Variants in CHST15 observed in about 807,000 individuals in gnomAD.
CHST15 encodes the protein carbohydrate sulfotransferase 15, also known as B cell RAG associated protein (GALNAC4S-6ST).
Under a neutral mutation model 53.6 loss-of-function variants are expected in CHST15, and 30 were observed. The ratio of observed to expected loss-of-function variants is 0.56; its 90% confidence interval spans 0.42 to 0.76. CHST15 has a LOEUF of 0.76. Among genes scored for constraint, CHST15 ranks in the 30% least tolerant of loss-of-function variants. CHST15 has a pLI of 0.00. For synonymous variants in CHST15, 296 were observed against 289.8 expected (o/e 1.02, Z -0.22); for missense variants, 627 against 740.5 (o/e 0.85, Z 1.78).
chr10:124,082,058 G>A (rs889460011), intron 1 of CHST15, among the ~76,000 whole-genome samples: 3 of 152,178 alleles, frequency 2.0e-5, no homozygotes, highest in African/African-American at 4.8e-5. Flanking sequence ...GCTGGTGGAT[G>A]GGGAGATGTT....
At chr10:124,087,434 A>T (rs1269501537) in intron 1 of CHST15, among the ~76,000 whole-genome samples, 2 of 152,154 alleles carry the variant, frequency 1.3e-5, no homozygotes, top group African/African-American at 4.8e-5. Flanking sequence ...GTTCCAGCCT[A>T]TTGTCAGAAA....
At chr10:124,086,555 G>A (rs952983211) in intron 1 of CHST15, among the ~76,000 whole-genome samples, 4 of 152,192 alleles carry the variant, frequency 2.6e-5, no homozygotes, top group African/African-American at 9.7e-5. Context: ...GGGTCTGCCT[G>A]ACTGCCCCTG....
In CHST15 at chr10:124,009,534, TA is replaced by T; in HGVS notation, c.*614del. 1 of 986,552 alleles carries T rather than the reference TA, an allele frequency of 1.0e-6. No individual in the cohort carries two copies. Among genetic ancestry groups the T allele is most frequent in the Non-Finnish European group, 1.2e-6 (1 of 831,230 alleles). 61.1% of individuals were successfully genotyped at this position (986,552 alleles called of 1,614,324 possible). On this transcript the variant is annotated 3_prime_UTR_variant, in exon 8 of 8. Transcript: ENST00000435907. ...AGAAACTGGAGGGCTGAGTTTGGAG[TA>T]AAGGAGAAAAAAAAAATGAAGAGCC...
intron 1 of CHST15, among the ~76,000 whole-genome samples, chr10:124,082,622 T>C (rs1309964751): frequency 6.6e-6 from 1 of 152,144 alleles, no homozygotes; most frequent in Non-Finnish European, 1.5e-5. Flanking sequence ...TACACAAACG[T>C]TTATGGCCGC....
At chr10:124,065,105 T>A (rs1948715022) in intron 1 of CHST15, among the ~76,000 whole-genome samples, 1 of 152,224 alleles carries the variant, frequency 6.6e-6, no homozygotes, top group African/African-American at 2.4e-5. Context: ...AAATTTGGGC[T>A]GAGCGCGGTG....
chr10:124,051,535 C>T (rs184655965), intron 1 of CHST15, among the ~76,000 whole-genome samples: 70 of 152,194 alleles, frequency 4.6e-4, no homozygotes, highest in African/African-American at 1.7e-3. Flanking sequence ...CATTTGGTGC[C>T]GGTCGACTCA....
intron 1 of CHST15, among the ~76,000 whole-genome samples, chr10:124,067,535 TG>T (rs1169651884): frequency 6.6e-6 from 1 of 152,248 alleles, no homozygotes; most frequent in African/African-American, 2.4e-5. Context: ...AGACTTCTTC[TG>T]CATGTTGGGC....
At chr10:124,086,277 TC>T (rs1452724396) in intron 1 of CHST15, among the ~76,000 whole-genome samples, 1 of 152,160 alleles carries the variant, frequency 6.6e-6, no homozygotes, top group Non-Finnish European at 1.5e-5. Context: ...TTGACCACCC[TC>T]CAACCGTGGG....
chr10:124,038,588 G>A lies in CHST15; in HGVS notation c.1117C>T (p.Leu373=), dbSNP rs1194340058. The A allele has an allele frequency of 1.2e-6, 2 of 1,614,134 alleles. No homozygotes were observed. The highest frequency in any genetic ancestry group is 1.7e-6 in the Non-Finnish European group (2 of 1,180,052). ...AAGGCGTGGATGAAGTCCTGCGTCA[G>A]AAACGGTGGCTCGCCATCCGTGCTG... ...DNSTDGEPPF[L]TQDFIHAFQP... Residue 373 remains leucine, a synonymous_variant, in exon 5 of 8, where the codon CTG becomes TTG. Transcript: ENST00000435907.
intron 1 of CHST15, among the ~76,000 whole-genome samples, chr10:124,086,655 T>TTCCTCC (rs142757457): frequency 0.012 from 1,805 of 149,344 alleles, 43 homozygotes; most frequent in African/African-American, 0.042. Flanking sequence ...TCCACCTGCC[T>TTCCTCC]TCCTCCTCCT....
chr10:124,072,495 G>A (rs748229769), intron 1 of CHST15, among the ~76,000 whole-genome samples: 4 of 152,138 alleles, frequency 2.6e-5, no homozygotes, highest in Non-Finnish European at 5.9e-5. Flanking sequence ...GAAGTCCAGG[G>A]GGTGGGTGCA....
chr10:124,045,701 G>T lies in CHST15; in HGVS notation c.512C>A (p.Pro171Gln). 1 of 1,610,892 alleles carries T rather than the reference G, an allele frequency of 6.2e-7. No individual in the cohort carries two copies. Among genetic ancestry groups the T allele is most frequent in the Non-Finnish European group, 8.5e-7 (1 of 1,177,978 alleles). Reference protein sequence around the residue: ...TRIEFTTRQLPDLEDLKKQEL... With the variant: ...TRIEFTTRQLQDLEDLKKQEL... ...CTGCTTCTTAAGGTCTTCTAAGTCT[G>T]GGAGCTGTCTGGTCGTGAACTCAAT... The change falls in exon 2 of 8, where the codon CCA becomes CAA. Residue 171 changes from proline to glutamine, a missense_variant. Physicochemically the swap from Pro to Gln is moderately conservative, Grantham distance 76 (BLOSUM62 -1). Coordinates refer to ENST00000435907, the MANE Select transcript of CHST15 (RefSeq NM_001270764.2).
chr10:124,020,475 G>C (rs765894043), intron 6 of CHST15: 1 of 985,360 alleles, frequency 1.0e-6, no homozygotes, highest in Admixed American at 6.1e-5. Flanking sequence ...CAGATCCCAC[G>C]GCCTCTGTAG....
At chr10:124,029,344 G>A (rs1947130347) in intron 5 of CHST15, among the ~76,000 whole-genome samples, 1 of 152,216 alleles carries the variant, frequency 6.6e-6, no homozygotes, top group Non-Finnish European at 1.5e-5. Flanking sequence ...GGGTGACACT[G>A]GTGAGGCTCA....
rs1947776026 is a variant in CHST15 at position 124,042,428 on chromosome 10, A to G, written c.906T>C (p.Asp302=). ...RKRFGIVRLR[D]GLRDRYPVED... ...CCACGGGATAGCGGTCTCGCAGCCC[A>G]TCTCTTAGGCGGACGATTCCTATGA... Residue 302 remains aspartate, a synonymous_variant, in exon 4 of 8, where the codon GAT becomes GAC. Coordinates refer to ENST00000435907, the MANE Select transcript of CHST15 (RefSeq NM_001270764.2). 6.2e-7 allele frequency: 1 copy of G among 1,614,046 alleles called. No individual in the cohort carries two copies. The highest frequency in any genetic ancestry group is 8.5e-7 in the Non-Finnish European group (1 of 1,180,006).
chr10:124,056,896 C>T (rs963517337), intron 1 of CHST15, among the ~76,000 whole-genome samples: 67 of 151,942 alleles, frequency 4.4e-4, no homozygotes, highest in African/African-American at 1.6e-3. Context: ...CAGGCCTGTA[C>T]GACCGGACAC....
At chr10:124,027,198 G>C (rs763373553) in intron 5 of CHST15, among the ~76,000 whole-genome samples, 3 of 152,164 alleles carry the variant, frequency 2.0e-5, no homozygotes, top group African/African-American at 7.2e-5. Context: ...CACTGGGCCC[G>C]TGCTCATGGG....
Position 124,019,210 on chromosome 10 carries a change from AGT to A in CHST15, c.1347+2044_1347+2045del, listed in dbSNP as rs988187188. ...CCCCTCTCTGCTCAGCATCATGATC[AGT>A]GCTGGAAGAAACCACAACCCCACCT... On this transcript the variant is annotated intron_variant, in intron 6 of 7. Coordinates refer to ENST00000435907, the MANE Select transcript of CHST15 (RefSeq NM_001270764.2). The surrounding 1 kb of genome is among the most constrained non-coding windows in gnomAD (Gnocchi z 4.6). 6.6e-6 allele frequency among the ~76,000 whole-genome samples: 1 copy of A among 152,124 alleles called. No individual in the cohort carries two copies. Among genetic ancestry groups the A allele is most frequent in the African/African-American group, 2.4e-5 (1 of 41,418 alleles).
At chr10:124,031,476 C>G (rs987247834) in intron 5 of CHST15, among the ~76,000 whole-genome samples, 1 of 152,242 alleles carries the variant, frequency 6.6e-6, no homozygotes, top group East Asian at 1.9e-4. Context: ...CAGCCTGTAC[C>G]GCAGGAATCC....
Sources: allele counts gnomAD v4.1 joint callset (sites outside exome capture counted in the v4.1 genomes callset), GRCh38; gene constraint gnomAD v4.1.1; non-coding constraint Gnocchi (gnomAD v3.1); transcripts MANE v1.5; gene names NCBI Gene and HGNC (gene_info 2026-07-23, HGNC 2026-07-21).